TENM2: variants seen among roughly 807,000 people sequenced by gnomAD.
TENM2 encodes teneurin-2.
In TENM2, 52 loss-of-function variants were observed where a neutral mutation model predicts 245.2. The ratio of observed to expected loss-of-function variants is 0.21; its 90% CI spans 0.17 to 0.27. TENM2 has a LOEUF of 0.27. TENM2 is among the 10% of genes least tolerant of loss of function. TENM2 has a pLI of 1.00. For synonymous variants in TENM2, 1,363 were observed against 1,438.9 expected, an observed-to-expected ratio of 0.95 and a Z score of 1.19; for missense variants, 3,046 against 3,666.8, an observed-to-expected ratio of 0.83 and a Z score of 4.37.
chr5:167,786,137 T>C (rs1324061088), intron 2 of TENM2, among the ~76,000 whole-genome samples: 2 of 152,194 alleles, frequency 1.3e-5, no homozygotes, highest in African/African-American at 4.8e-5. Flanking sequence ...CCAAATGCCA[T>C]GCTTAGAGTT....
chr5:168,146,439 A>T (rs1276775224), intron 12 of TENM2, among the ~76,000 whole-genome samples: 2 of 152,282 alleles, frequency 1.3e-5, no homozygotes, highest in East Asian at 1.9e-4. Flanking sequence ...CAGGGAAGAC[A>T]CTGTTTCTTA....
At chr5:167,652,258 AAT>A (rs1404001058) in intron 2 of TENM2, among the ~76,000 whole-genome samples, 5 of 152,202 alleles carry the variant, frequency 3.3e-5, no homozygotes, top group African/African-American at 1.2e-4. Context: ...TAAAAATGCA[AAT>A]CAAATCACAT....
At chr5:167,090,109 C>CT in the TENM2 span, among the ~76,000 whole-genome samples, 123 of 152,046 alleles carry the variant, frequency 8.1e-4, no homozygotes, top group East Asian at 9.5e-3. Context: ...TTTTTCTTTT[C>CT]TTTTTTTAAA....
chr5:168,154,530 C>T (rs1756980425), intron 12 of TENM2, among the ~76,000 whole-genome samples: 1 of 152,186 alleles, frequency 6.6e-6, no homozygotes, highest in South Asian at 2.1e-4. Flanking sequence ...TGGCCCCTTT[C>T]TCCTCTTTAT....
intron 2 of TENM2, among the ~76,000 whole-genome samples, chr5:167,511,213 T>C (rs1019883569): frequency 1.3e-5 from 2 of 152,130 alleles, no homozygotes; most frequent in African/African-American, 4.8e-5. Flanking sequence ...AAAGACGACA[T>C]TGATTGTCCT....
intron 2 of TENM2, among the ~76,000 whole-genome samples, chr5:167,714,126 C>G (rs1318245394): frequency 2.0e-5 from 3 of 152,148 alleles, no homozygotes; most frequent in African/African-American, 7.2e-5. Flanking sequence ...TGGAATTGAG[C>G]ACTTCACAAA....
chr5:167,838,083 A>G (rs1769167304), intron 2 of TENM2, among the ~76,000 whole-genome samples: 1 of 152,246 alleles, frequency 6.6e-6, no homozygotes, highest in Admixed American at 6.5e-5. Context: ...ACTAACTCAC[A>G]GCAATTCACT....
chr5:167,980,016 T>C (rs1032240465), intron 4 of TENM2, among the ~76,000 whole-genome samples: 1 of 152,216 alleles, frequency 6.6e-6, no homozygotes, highest in Non-Finnish European at 1.5e-5. Flanking sequence ...TTTCAAGCTC[T>C]ATATTGGTTC....
At chr5:167,944,338 C>A (rs915052074) in intron 3 of TENM2, among the ~76,000 whole-genome samples, 3 of 152,098 alleles carry the variant, frequency 2.0e-5, no homozygotes, top group African/African-American at 7.2e-5. Context: ...AACAAATTCC[C>A]AGCTCGCCCT....
At chr5:167,030,154 A>G in the TENM2 span, among the ~76,000 whole-genome samples, 2 of 152,178 alleles carry the variant, frequency 1.3e-5, no homozygotes, top group Non-Finnish European at 1.5e-5. Context: ...ACTGTTCTGT[A>G]TCACGTTTTT....
chr5:167,719,130 G>A (rs887324837), intron 2 of TENM2, among the ~76,000 whole-genome samples: 1 of 152,156 alleles, frequency 6.6e-6, no homozygotes, highest in Admixed American at 6.6e-5. Flanking sequence ...AGCAAAGACA[G>A]GTTGGGAATG....
At chr5:167,868,754 A>T (rs906257922) in intron 2 of TENM2, among the ~76,000 whole-genome samples, 6 of 151,902 alleles carry the variant, frequency 3.9e-5, no homozygotes, top group Non-Finnish European at 2.9e-5. Context: ...AAAAAAAAAA[A>T]AAAATCAGAT....
At chr5:167,731,832 T>C (rs1429781199) in intron 2 of TENM2, among the ~76,000 whole-genome samples, 1 of 152,126 alleles carries the variant, frequency 6.6e-6, no homozygotes, top group Non-Finnish European at 1.5e-5. Context: ...TGTTACCTTG[T>C]CACAATGCCT....
At chr5:167,755,896 G>A (rs993476334) in intron 2 of TENM2, among the ~76,000 whole-genome samples, 9 of 152,160 alleles carry the variant, frequency 5.9e-5, no homozygotes, top group Non-Finnish European at 1.3e-4. Flanking sequence ...GGGTGCTGCT[G>A]TCTCATCAGT....
the TENM2 span, among the ~76,000 whole-genome samples, chr5:167,191,968 C>T: frequency 6.6e-6 from 1 of 152,062 alleles, no homozygotes; most frequent in Non-Finnish European, 1.5e-5. Context: ...CCATTAGCAA[C>T]TTCCGTACAT....
upstream of TENM2, among the ~76,000 whole-genome samples, chr5:167,283,707 C>T (rs544122119): frequency 1.1e-3 from 166 of 152,276 alleles, 2 homozygotes; most frequent in African/African-American, 3.7e-3. Context: ...AATTAAAATT[C>T]GTATTTGTCC....
chr5:167,619,233 C>T (rs1390321219), intron 2 of TENM2, among the ~76,000 whole-genome samples: 1 of 152,092 alleles, frequency 6.6e-6, no homozygotes, highest in Non-Finnish European at 1.5e-5. Context: ...ATTGTGTCAT[C>T]AGTAACAATG....
At chr5:167,064,399 A>G in the TENM2 span, among the ~76,000 whole-genome samples, 1 of 152,238 alleles carries the variant, frequency 6.6e-6, no homozygotes, top group Admixed American at 6.5e-5. Flanking sequence ...TGCGTGAGCC[A>G]TGGGGCCCGC....
At chr5:167,681,880 C>T (rs1021737254) in intron 2 of TENM2, among the ~76,000 whole-genome samples, 4 of 151,980 alleles carry the variant, frequency 2.6e-5, no homozygotes, top group Non-Finnish European at 5.9e-5. Flanking sequence ...CACCTATTTT[C>T]TCTTTAACTA....
Sources: gnomAD v4.1 joint callset for allele counts (sites outside exome capture counted in the v4.1 genomes callset) on GRCh38, gnomAD v4.1.1 for gene constraint, MANE v1.5 for transcripts, NCBI Gene and HGNC (gene_info 2026-07-23, HGNC 2026-07-21) for gene names.